The following CEP290 variants were observed in gnomAD, a reference collection of about 807,000 sequenced individuals.
The protein encoded by CEP290 is centrosomal protein 290.
Under a neutral mutation model 344.9 loss-of-function variants are expected in CEP290, and 317 were observed. The observed-to-expected ratio is 0.92, with a 90% CI of 0.84 to 1.01. CEP290 has a LOEUF of 1.01. Among genes scored for constraint, CEP290 ranks in the 50% least tolerant of loss-of-function variants. The probability of loss-of-function intolerance (pLI) is 0.00; values close to 1 mark genes in which losing one functional copy is unlikely to be tolerated. For missense variants in CEP290, 2,754 were observed against 2,761.4 expected (o/e 1.00, Z 0.06); for synonymous variants, 932 against 895.8 (o/e 1.04, Z -0.72).
At chr12:88,100,709 G>A (rs555582484) in intron 26 of CEP290, among the ~76,000 whole-genome samples, 64 of 152,078 alleles carry the variant, frequency 4.2e-4, no homozygotes, top group Non-Finnish European at 7.6e-4. Flanking sequence ...CAAAACCTAT[G>A]TATAAGATGC....
At chr12:88,126,655 T>C (rs1304599005) in intron 11 of CEP290, among the ~76,000 whole-genome samples, 2 of 152,096 alleles carry the variant, frequency 1.3e-5, no homozygotes, top group Non-Finnish European at 2.9e-5. Flanking sequence ...ATATACCGAA[T>C]TTTCTTTTTT....
rs769446893 is a variant in CEP290, at chr12:88,111,230, T to C, written c.2339A>G (p.Gln780Arg). The change falls in exon 22 of 54, where the codon CAG becomes CGG. Residue 780 changes from glutamine to arginine, a missense_variant. Transcript: ENST00000552810. ...TAACAAATGTATTAAATATTCATTC[T>C]GAGAATTAATGATACTGGCACTAGA... ...APSSASIINS[Q>R]NEYLIHLLQE... The C allele has an allele frequency of 1.5e-5, 21 of 1,418,672 alleles. No homozygotes were observed. Among genetic ancestry groups the C allele is most frequent in the Non-Finnish European group, 6.5e-6 (7 of 1,082,698 alleles). The allele number at this position is 1,418,672 out of a possible 1,614,324, so 87.9% of individuals were successfully genotyped here.
At chr12:88,097,034 T>C in intron 26 of CEP290, 35 bp from the exon 27 acceptor site, 1 of 1,088,548 alleles carries the variant, frequency 9.2e-7, no homozygotes, top group Non-Finnish European at 1.3e-6. Context: ...AGAAACTACA[T>C]TGTAATTCAG....
At chr12:88,109,447 C>A (rs2038522797) in intron 22 of CEP290, among the ~76,000 whole-genome samples, 1 of 152,142 alleles carries the variant, frequency 6.6e-6, no homozygotes, top group Non-Finnish European at 1.5e-5. Context: ...TATAAACTCG[C>A]CTCTAGTCAC....
chr12:88,077,485 T>A, intron 40 of CEP290, 141 bp from the exon 41 acceptor site: 2 of 678,822 alleles, frequency 2.9e-6, no homozygotes, highest in Non-Finnish European at 4.7e-6. Flanking sequence ...CATAAGATAA[T>A]CTGGTAGCTG....
intron 6 of CEP290, chr12:88,136,236 AT>A (rs1483568911): frequency 1.2e-5 from 2 of 173,254 alleles, no homozygotes; most frequent in Non-Finnish European, 2.4e-5. Context: ...ATATCGAAAG[AT>A]TCATTTGCGA....
chr12:88,110,379 A>T (rs183869917), intron 22 of CEP290, among the ~76,000 whole-genome samples: 4 of 152,232 alleles, frequency 2.6e-5, no homozygotes, highest in Non-Finnish European at 5.9e-5. Flanking sequence ...TTTATTGCGT[A>T]AAGGGAAGAC....
At chr12:88,139,590 A>G (rs1460341663) in intron 3 of CEP290, 26 bp from the exon 4 acceptor site, 2 of 1,509,176 alleles carry the variant, frequency 1.3e-6, no homozygotes, top group Admixed American at 4.0e-5. Flanking sequence ...AGGTTATTTC[A>G]ATATGCCTTT....
chr12:88,112,029 T>C (rs2038727640), intron 20 of CEP290, among the ~76,000 whole-genome samples, 171 bp from the exon 21 acceptor site: 1 of 152,166 alleles, frequency 6.6e-6, no homozygotes, highest in Non-Finnish European at 1.5e-5. Flanking sequence ...TATAAAACTT[T>C]CATTTACATT....
At chr12:88,130,923 G>A (rs2040028801) in intron 7 of CEP290, among the ~76,000 whole-genome samples, 2 of 151,874 alleles carry the variant, frequency 1.3e-5, no homozygotes, top group Non-Finnish European at 2.9e-5. Flanking sequence ...AGCAAAGAAT[G>A]GCTTATAAAA....
chr12:88,089,127 T>A lies in CEP290; in HGVS notation c.3934A>T (p.Arg1312Ter), dbSNP rs774705706. Reference protein sequence around the residue: ...QEMKNSQQEHRNMENKTLEME... With the variant: ...QEMKNSQQEH Reference sequence around the variant, plus strand: ...TCCAATGTTTTGTTCTCCATATTTCTATGTTCTTGTTGAGAATTTTTCATT... The same window carrying A: ...TCCAATGTTTTGTTCTCCATATTTCAATGTTCTTGTTGAGAATTTTTCATT... Residue 1312 changes from arginine (R) to a stop codon, truncating the protein, a stop_gained, in exon 31 of 54, where the codon AGA becomes TGA. Coordinates refer to ENST00000552810, the MANE Select transcript of CEP290 (RefSeq NM_025114.4). LOFTEE classifies it high-confidence loss of function. The A allele has an allele frequency of 2.5e-6, 4 of 1,594,676 alleles. No individual in the cohort carries two copies. Among genetic ancestry groups the A allele is most frequent in the Non-Finnish European group, 3.4e-6 (4 of 1,171,894 alleles).
rs1416116507 is a variant in CEP290, at chr12:88,137,012, A to T, written c.298-226T>A. On this transcript the variant is annotated intron_variant, in intron 5 of 53. Transcript: ENST00000552810. ...TTTTTCCTGAGCCACCCAGAGATGC[A>T]AAGAATTGACTGTTAATCATTCTGT... 1.3e-5 allele frequency among the ~76,000 whole-genome samples: 2 copies of T among 152,104 alleles called. 1 individual carries two copies. Among genetic ancestry groups the T allele is most frequent in the African/African-American group, 4.8e-5 (2 of 41,404 alleles).
rs1472845616 is a variant in CEP290 at position 88,049,372 on chromosome 12, G to C, written c.7252C>G (p.Pro2418Ala). The C allele has an allele frequency of 6.4e-7, 1 of 1,553,616 alleles. No homozygotes were observed. Among genetic ancestry groups the C allele is most frequent in the East Asian group, 2.3e-5 (1 of 44,104 alleles). Residue 2418 changes from proline (P) to alanine (A), a missense_variant, in exon 54 of 54, where the codon CCT (proline) becomes GCT (alanine). Transcript: ENST00000552810. ...TCTTCAATTTCTTCAAAAAATGAAG[G>C]ATCAAAATTTTCCAGTTCTTTTTTC... ...KLKKELENFD[P>A]SFFEEIEDLK...
chr12:88,139,673 G>C (rs1161715537), intron 3 of CEP290, 109 bp from the exon 4 acceptor site: 3 of 767,318 alleles, frequency 3.9e-6, no homozygotes, highest in Non-Finnish European at 3.7e-6. Context: ...GCAATGGCTG[G>C]CACATGGAGA....
chr12:88,108,588 G>A (rs2038454805), intron 23 of CEP290, among the ~76,000 whole-genome samples: 1 of 152,154 alleles, frequency 6.6e-6, no homozygotes, highest in Non-Finnish European at 1.5e-5. Context: ...GAAATAAGGA[G>A]AAATATGTTA....
At chr12:88,125,399 C>A in intron 12 of CEP290, 30 bp from the exon 13 acceptor site, 1 of 1,130,056 alleles carries the variant, frequency 8.8e-7, no homozygotes, top group Non-Finnish European at 1.2e-6. Flanking sequence ...AATATATATC[C>A]CTTCATGAAT....
intron 46 of CEP290, among the ~76,000 whole-genome samples, chr12:88,061,317 A>G (rs2136757966): frequency 6.6e-6 from 1 of 152,276 alleles, no homozygotes; most frequent in South Asian, 2.1e-4. Flanking sequence ...CCAGTATATC[A>G]GAGTTTTTCT....
chr12:88,128,692 T>C (rs919437484), intron 11 of CEP290, among the ~76,000 whole-genome samples: 4 of 152,154 alleles, frequency 2.6e-5, no homozygotes, highest in African/African-American at 7.2e-5. Context: ...CAAATATATT[T>C]TGGAGTTAGA....
chr12:88,136,599 G>T, intron 6 of CEP290, 44 bp downstream of exon 6: 1 of 1,588,114 alleles, frequency 6.3e-7, no homozygotes, highest in Middle Eastern at 1.7e-4. Flanking sequence ...AAAAAGCCAG[G>T]TAACTTGAAC....
Sources: gnomAD v4.1 joint callset for allele counts (sites outside exome capture counted in the v4.1 genomes callset) on GRCh38, gnomAD v4.1.1 for gene constraint, MANE v1.5 for transcripts, NCBI Gene and HGNC (gene_info 2026-07-23, HGNC 2026-07-21) for gene names.